Variants in C18orf63 observed in about 807,000 individuals in gnomAD.
The protein encoded by C18orf63 is chromosome 18 open reading frame 63, also known as uncharacterized protein C18orf63.
A neutral mutation model predicts 75.3 loss-of-function variants in C18orf63; 50 were observed. That is an observed-to-expected ratio of 0.66 (90% CI 0.53 to 0.84). C18orf63 has a LOEUF of 0.84. Ranked by LOEUF, C18orf63 falls within the 40% of genes least tolerant of loss-of-function variation. C18orf63 has a pLI of 0.00. For synonymous variants in C18orf63, 232 were observed against 267.6 expected, an observed-to-expected ratio of 0.87 and a Z score of 1.30; for missense variants, 732 against 800.2, an observed-to-expected ratio of 0.91 and a Z score of 1.03.
At position 74,353,863 on chromosome 18, in the gene C18orf63, G is replaced by A. The variant is rs929392496; in HGVS notation, c.1596G>A (p.Ser532=). ...AATTTCCCTCTTCTCGTGGAAAATC[G>A]ACTGTGAGTTTAAACAAAAATAAGC... The part of the protein sequence containing the change: ...MTKFPSSRGK[S]TVSLNKNKQL... The change falls in exon 12 of 14, where the codon TCG becomes TCA. Residue 532 remains serine (S), a synonymous_variant. Coordinates refer to ENST00000579455, the MANE Select transcript of C18orf63 (RefSeq NM_001174123.2). 9 of 1,535,758 alleles carry A rather than the reference G, an allele frequency of 5.9e-6. No individual in the cohort carries two copies. The Admixed American group carries it at 5.9e-5, about 10-fold the overall frequency.
intron 11 of C18orf63, among the ~76,000 whole-genome samples, chr18:74,352,668 T>C (rs1327793924): frequency 6.6e-6 from 1 of 152,146 alleles, no homozygotes; most frequent in Non-Finnish European, 1.5e-5. Context: ...TCAACAAGGA[T>C]TTTTAGTAAC....
rs149495656 is a variant in C18orf63, at chr18:74,338,710, A to G, written c.502-5A>G. 208 of 1,286,034 alleles carry G rather than the reference A, an allele frequency of 1.6e-4. No homozygotes were observed. In the African/African-American group the frequency reaches 2.9e-3, roughly 18 times the overall value. The allele number at this position is 1,286,034 out of a possible 1,614,324, so 79.7% of individuals were successfully genotyped here. A position where few individuals can be genotyped will look rare whatever the true frequency, so the allele number is the denominator to read the frequency against. On this transcript the variant is annotated splice_polypyrimidine_tract_variant and splice_region_variant and intron_variant, in intron 7 of 13. Coordinates refer to ENST00000579455, the MANE Select transcript of C18orf63 (RefSeq NM_001174123.2). ...AGGACTTACAAATCTTATTTCTATT[A>G]AAAGCTAAAAGAGTTTGAGATTTCC...
rs1206718452 is a variant in C18orf63 at position 74,357,932 on chromosome 18, G to C, written c.*1485G>C. ...GAGTGGTATGTCATTTTGTTTATGA[G>C]GCTATGGTGAAAATAACATTAGTAA... On this transcript the variant is annotated 3_prime_UTR_variant, in exon 14 of 14. Coordinates refer to ENST00000579455, the MANE Select transcript of C18orf63 (RefSeq NM_001174123.2). 6.6e-6 allele frequency: 1 copy of C among 152,032 alleles called. No individual in the cohort carries two copies. Among genetic ancestry groups the C allele is most frequent in the Non-Finnish European group, 1.5e-5 (1 of 68,008 alleles). 9.4% of individuals were successfully genotyped at this position (152,032 alleles called of 1,614,324 possible).
chr18:74,352,372 C>T (rs78576745), intron 11 of C18orf63, among the ~76,000 whole-genome samples: 6,960 of 152,134 alleles, frequency 0.046, 220 homozygotes, highest in Non-Finnish European at 0.061. Context: ...GTCACTGAAT[C>T]GTTCACTTAA....
rs745519831 is a variant in C18orf63, at chr18:74,330,893, A to C, written c.452A>C (p.Gln151Pro). Reference protein sequence around the residue: ...VVLNINVTETQVCLSIEACTI... With the variant: ...VVLNINVTETPVCLSIEACTI... ...TTAAACATCAATGTAACAGAAACTC[A>C]AGTTTGTCTAAGTATAGAAGCTTGC... The change falls in exon 7 of 14, where the codon CAA (glutamine) becomes CCA (proline). Residue 151 changes from glutamine to proline, a missense_variant. This residue lies in a region of C18orf63 where 233 missense variants were observed against 272.7 expected (regional missense o/e 0.85). Coordinates refer to ENST00000579455, the MANE Select transcript of C18orf63 (RefSeq NM_001174123.2). 1.8e-5 allele frequency: 27 copies of C among 1,469,420 alleles called. No homozygotes were observed. The highest frequency in any genetic ancestry group is 2.2e-5 in the Non-Finnish European group (24 of 1,101,390). 91.0% of individuals were successfully genotyped at this position (1,469,420 alleles called of 1,614,324 possible).
chr18:74,338,341 T>TA (rs1984425234), intron 7 of C18orf63, among the ~76,000 whole-genome samples: 1 of 152,038 alleles, frequency 6.6e-6, no homozygotes, highest in African/African-American at 2.4e-5. Context: ...ATCCTCCATT[T>TA]AAAAAAACAA....
At chr18:74,340,298 CA>C (rs1984459480) in intron 8 of C18orf63, among the ~76,000 whole-genome samples, 1 of 152,146 alleles carries the variant, frequency 6.6e-6, no homozygotes, top group East Asian at 1.9e-4. Flanking sequence ...ATTAAAGTCA[CA>C]ATGAGCGATC....
In C18orf63 at chr18:74,324,823, T is replaced by C. The variant is rs74747541; in HGVS notation, c.270+2069T>C. Among the ~76,000 whole-genome samples, 551 of 152,320 alleles carry C rather than the reference T, an allele frequency of 3.6e-3. 5 individuals carry two copies. Among genetic ancestry groups the C allele is most frequent in the African/African-American group, 0.013 (530 of 41,580 alleles). On this transcript the variant is annotated intron_variant, in intron 4 of 13. Transcript: ENST00000579455. Reference sequence around the variant, plus strand: ...TACACTCTTATCCTTTTTCCATGTGTCTCAGTTTCTATTCCTATAAACTAA... The same window carrying C: ...TACACTCTTATCCTTTTTCCATGTGCCTCAGTTTCTATTCCTATAAACTAA...
intron 2 of C18orf63, 110 bp downstream of exon 2, chr18:74,318,109 A>T (rs1272177403): frequency 3.1e-6 from 2 of 644,002 alleles, no homozygotes; most frequent in African/African-American, 1.9e-5. Context: ...ACTTGTGTTT[A>T]TAATTTTAAA....
chr18:74,344,809 AT>A (rs1321465892), intron 11 of C18orf63, among the ~76,000 whole-genome samples: 5 of 152,086 alleles, frequency 3.3e-5, no homozygotes, highest in Non-Finnish European at 7.4e-5. Flanking sequence ...GCTGCAATTT[AT>A]TCAGAATATT....
chr18:74,318,776 C>T (rs1489168653), intron 2 of C18orf63, among the ~76,000 whole-genome samples: 24 of 145,962 alleles, frequency 1.6e-4, no homozygotes, highest in Admixed American at 9.7e-4. Context: ...GGCAACAGAG[C>T]GAGACTCTGT....
At position 74,353,448 on chromosome 18, in the gene C18orf63, G is replaced by C. The variant is rs1179581335; in HGVS notation, c.1181G>C (p.Gly394Ala). 6.5e-7 allele frequency: 1 copy of C among 1,536,204 alleles called. No homozygotes were observed. Among genetic ancestry groups the C allele is most frequent in the Non-Finnish European group, 8.7e-7 (1 of 1,146,946 alleles). ...CATCTCCAGCCAGAGTCTGTTCAGG[G>C]TAGAAAGAAATCCCTGTCTATCAGG... Reference protein sequence around the residue: ...ALHLQPESVQGRKKSLSIRAP... With the variant: ...ALHLQPESVQARKKSLSIRAP... The change falls in exon 12 of 14, where the codon GGT becomes GCT. Residue 394 changes from glycine (G) to alanine (A), a missense_variant. This residue lies in a region of C18orf63 where 495 missense variants were observed against 508.7 expected (regional missense o/e 0.97). Transcript: ENST00000579455.
intron 12 of C18orf63, 79 bp from the exon 13 acceptor site, chr18:74,354,378 A>G (rs1984727859): frequency 7.9e-7 from 1 of 1,260,560 alleles, no homozygotes; most frequent in Admixed American, 2.7e-5. Context: ...ACTAATTAAT[A>G]AACAGAATAT....
chr18:74,322,408 T>C (rs889614696), intron 3 of C18orf63, among the ~76,000 whole-genome samples: 8 of 152,226 alleles, frequency 5.3e-5, no homozygotes, highest in African/African-American at 1.9e-4. Context: ...AAGAATTCTA[T>C]ATTAAGAAAG....
intron 11 of C18orf63, among the ~76,000 whole-genome samples, chr18:74,348,437 G>A (rs535922181): frequency 3.4e-4 from 51 of 152,128 alleles, no homozygotes; most frequent in Non-Finnish European, 5.3e-4. Context: ...AATTTTGATC[G>A]ATAAAACACT....
At chr18:74,316,411 G>A (rs935381385) in intron 1 of C18orf63, among the ~76,000 whole-genome samples, 1 of 152,212 alleles carries the variant, frequency 6.6e-6, no homozygotes, top group African/African-American at 2.4e-5. Flanking sequence ...GCGCTCGCCT[G>A]GGGGCAGCGG....
At chr18:74,350,248 C>T (rs1422312806) in intron 11 of C18orf63, among the ~76,000 whole-genome samples, 1 of 152,150 alleles carries the variant, frequency 6.6e-6, no homozygotes, top group African/African-American at 2.4e-5. Context: ...CAGCTCCCTC[C>T]TCTCTCTGTT....
Position 74,354,327 on chromosome 18 carries a change from A to G in C18orf63, c.2001+59A>G, listed in dbSNP as rs558332760. Reference sequence around the variant, plus strand: ...TATGCTAGACCCTTAAAACCCCTAAATAAGGATTTAAATGATTTCCCTAAG... The same window carrying G: ...TATGCTAGACCCTTAAAACCCCTAAGTAAGGATTTAAATGATTTCCCTAAG... On this transcript the variant is annotated intron_variant, in intron 12 of 13. Coordinates refer to ENST00000579455, the MANE Select transcript of C18orf63 (RefSeq NM_001174123.2). The G allele has an allele frequency of 1.8e-5, 25 of 1,368,988 alleles. No individual in the cohort carries two copies. In the Admixed American group the frequency reaches 5.2e-4, roughly 29 times the overall value. 84.8% of individuals were successfully genotyped at this position (1,368,988 alleles called of 1,614,324 possible).
chr18:74,352,031 A>G (rs1984674479), intron 11 of C18orf63, among the ~76,000 whole-genome samples: 2 of 152,196 alleles, frequency 1.3e-5, no homozygotes, highest in Admixed American at 6.5e-5. Flanking sequence ...AGTGGATAAA[A>G]TATGCTATAT....
Sources: allele counts gnomAD v4.1 joint callset (sites outside exome capture counted in the v4.1 genomes callset), GRCh38; gene constraint gnomAD v4.1.1; regional missense constraint gnomAD v4.1.1; transcripts MANE v1.5; gene names NCBI Gene and HGNC (gene_info 2026-07-23, HGNC 2026-07-21).